SLCO1A2: variants seen among roughly 807,000 people sequenced by gnomAD.
SLCO1A2 encodes the protein OATP-1.
In SLCO1A2, 67 loss-of-function variants were observed where a neutral mutation model predicts 69.0. That is an observed-to-expected ratio of 0.97 (90% CI 0.80 to 1.19). The LOEUF (loss-of-function observed/expected upper bound fraction) is 1.19. Among genes scored for constraint, SLCO1A2 ranks in the 50% most tolerant of loss-of-function variants. SLCO1A2 has a pLI of 0.00. For synonymous variants in SLCO1A2, 260 were observed against 265.9 expected, an observed-to-expected ratio of 0.98 and a Z score of 0.22; for missense variants, 787 against 793.7, an observed-to-expected ratio of 0.99 and a Z score of 0.10.
chr12:21,339,879 G>C (rs1953010490), upstream of SLCO1A2, among the ~76,000 whole-genome samples: 1 of 151,906 alleles, frequency 6.6e-6, no homozygotes, highest in South Asian at 2.1e-4. Flanking sequence ...GAGGATCAGA[G>C]GATAGGAGAG....
intron 1 of SLCO1A2, among the ~76,000 whole-genome samples, chr12:21,382,793 C>CAAAAAAAAA (rs3060709): frequency 2.7e-5 from 2 of 75,208 alleles, no homozygotes; most frequent in Non-Finnish European, 2.8e-5. Context: ...AACTCCGTCT[C>CAAAAAAAAA]AAAAAAAAAA....
intron 12 of SLCO1A2, among the ~76,000 whole-genome samples, chr12:21,287,516 T>C (rs1441646822): frequency 2.1e-5 from 3 of 144,752 alleles, no homozygotes; most frequent in Admixed American, 2.1e-4. Context: ...ACTGGGTATA[T>C]ACCCAAACGA....
chr12:21,276,266 T>A (rs1052334913), intron 12 of SLCO1A2, among the ~76,000 whole-genome samples: 6 of 151,978 alleles, frequency 3.9e-5, no homozygotes, highest in African/African-American at 1.5e-4. Context: ...AGTAAATTTT[T>A]AAAAACAGCA....
intron 1 of SLCO1A2, among the ~76,000 whole-genome samples, chr12:21,377,297 G>A (rs1240217887): frequency 2.0e-5 from 3 of 152,140 alleles, no homozygotes; most frequent in Non-Finnish European, 2.9e-5. Context: ...CTGCAATAGA[G>A]TACCTGAACA....
chr12:21,377,569 CT>C (rs57102796), intron 1 of SLCO1A2, among the ~76,000 whole-genome samples: 16 of 152,278 alleles, frequency 1.1e-4, no homozygotes, highest in Non-Finnish European at 1.6e-4. Flanking sequence ...CTATTTCCCC[CT>C]CTCCCTTGCC....
chr12:21,339,038 G>T (rs183126258), upstream of SLCO1A2, among the ~76,000 whole-genome samples: 176 of 152,070 alleles, frequency 1.2e-3, 1 homozygote, highest in South Asian at 0.015. Context: ...AAATATTTAT[G>T]ACTACTTTGC....
chr12:21,391,323 C>T (rs962262373), intron 1 of SLCO1A2, among the ~76,000 whole-genome samples: 3 of 151,986 alleles, frequency 2.0e-5, no homozygotes, highest in Non-Finnish European at 2.9e-5. Flanking sequence ...ATTTCAGTCT[C>T]GTGGAGCTGA....
intron 12 of SLCO1A2, among the ~76,000 whole-genome samples, chr12:21,287,544 A>C (rs1946096245): frequency 6.8e-6 from 1 of 146,094 alleles, no homozygotes; most frequent in Non-Finnish European, 1.5e-5. Flanking sequence ...TCATGCTGCT[A>C]TAAAGACACA....
chr12:21,414,340 G>A (rs982126569), intron 1 of SLCO1A2, among the ~76,000 whole-genome samples: 15 of 150,624 alleles, frequency 1.0e-4, no homozygotes, highest in African/African-American at 3.4e-4. Context: ...AGTTTCTCTC[G>A]AAGTACATGT....
chr12:21,308,451 C>A (rs899269872), intron 4 of SLCO1A2, among the ~76,000 whole-genome samples: 5 of 152,090 alleles, frequency 3.3e-5, no homozygotes, highest in African/African-American at 1.2e-4. Context: ...TGAGTATGAT[C>A]CAAAACAATA....
At chr12:21,352,320 T>C (rs1362476037) in intron 2 of SLCO1A2, among the ~76,000 whole-genome samples, 1 of 152,188 alleles carries the variant, frequency 6.6e-6, no homozygotes, top group Non-Finnish European at 1.5e-5. Context: ...AAAAGCCCTA[T>C]AGGGCTTTAG....
At chr12:21,392,850 T>C (rs1941230071) in intron 1 of SLCO1A2, among the ~76,000 whole-genome samples, 1 of 152,238 alleles carries the variant, frequency 6.6e-6, no homozygotes. Flanking sequence ...ATTTTCCATG[T>C]AGACCCTTTT....
upstream of SLCO1A2, among the ~76,000 whole-genome samples, chr12:21,399,839 C>G (rs1271689779): frequency 7.1e-6 from 1 of 141,758 alleles, no homozygotes; most frequent in South Asian, 2.4e-4. Context: ...AAAGCTGAAA[C>G]TGGATCCCTT....
intron 2 of SLCO1A2, among the ~76,000 whole-genome samples, chr12:21,367,255 C>A (rs916065632): frequency 2.0e-5 from 3 of 152,156 alleles, no homozygotes; most frequent in Non-Finnish European, 4.4e-5. Context: ...CTCAGTCTTT[C>A]ATGTGTCCAT....
intron 2 of SLCO1A2, among the ~76,000 whole-genome samples, chr12:21,327,063 T>C (rs972571976): frequency 3.3e-5 from 5 of 151,914 alleles, no homozygotes; most frequent in Non-Finnish European, 7.4e-5. Flanking sequence ...AAAAAAATGG[T>C]TTTCTTGTCC....
chr12:21,283,024 T>A (rs1258261292), intron 12 of SLCO1A2, among the ~76,000 whole-genome samples: 5 of 152,130 alleles, frequency 3.3e-5, no homozygotes, highest in Non-Finnish European at 5.9e-5. Flanking sequence ...GATTTGATGC[T>A]ATTTCTATCA....
At chr12:21,350,315 GT>G (rs1441146324) in intron 2 of SLCO1A2, among the ~76,000 whole-genome samples, 1 of 151,036 alleles carries the variant, frequency 6.6e-6, no homozygotes, top group Non-Finnish European at 1.5e-5. Context: ...CCACAGCTTT[GT>G]TTTAGTAAAG....
At chr12:21,385,061 G>A (rs146244747) in intron 1 of SLCO1A2, among the ~76,000 whole-genome samples, 145 of 152,078 alleles carry the variant, frequency 9.5e-4, no homozygotes, top group African/African-American at 3.2e-3. Context: ...CACTTCGCCC[G>A]GCCAGATTTT....
At chr12:21,314,733 T>C in intron 3 of SLCO1A2, 52 bp from the exon 4 acceptor site, 1 of 1,314,900 alleles carries the variant, frequency 7.6e-7, no homozygotes, top group South Asian at 1.2e-5. Context: ...AAAGTCTTAA[T>C]TAAGAGCCTC....
Sources: gnomAD v4.1 joint callset for allele counts (sites outside exome capture counted in the v4.1 genomes callset) on GRCh38, gnomAD v4.1.1 for gene constraint, MANE v1.5 for transcripts, NCBI Gene and HGNC (gene_info 2026-07-23, HGNC 2026-07-21) for gene names.